Variants in CA10 observed in about 807,000 individuals in gnomAD.
CA10 encodes carbonic anhydrase 10 (inactive).
Under a neutral mutation model 44.2 loss-of-function variants are expected in CA10, and 14 were observed. The observed-to-expected ratio is 0.32, with a 90% CI of 0.21 to 0.50. The LOEUF (loss-of-function observed/expected upper bound fraction) is 0.50. Among genes scored for constraint, CA10 ranks in the 20% least tolerant of loss-of-function variants. CA10 has a pLI of 0.99. For synonymous variants in CA10, 159 were observed against 141.6 expected, an observed-to-expected ratio of 1.12 and a Z score of -0.87; for missense variants, 350 against 409.7, an observed-to-expected ratio of 0.85 and a Z score of 1.26.
chr17:52,094,410 G>C (rs1460260006), intron 1 of CA10, among the ~76,000 whole-genome samples: 1 of 152,038 alleles, frequency 6.6e-6, no homozygotes, highest in Admixed American at 6.6e-5. Context: ...CAGGAAACTG[G>C]AGTAAGCAAA....
chr17:51,921,661 C>G (rs1452828386), intron 3 of CA10, among the ~76,000 whole-genome samples: 1 of 152,144 alleles, frequency 6.6e-6, no homozygotes, highest in African/African-American at 2.4e-5. Flanking sequence ...TATTGCATGA[C>G]AATGGCCTCA....
chr17:52,003,738 G>C (rs555069558), intron 2 of CA10, among the ~76,000 whole-genome samples: 2 of 151,872 alleles, frequency 1.3e-5, no homozygotes, highest in Non-Finnish European at 2.9e-5. Context: ...GATACACTTA[G>C]TTGCAATGAC....
At chr17:51,772,228 A>G (rs1905639007) in intron 3 of CA10, among the ~76,000 whole-genome samples, 1 of 152,220 alleles carries the variant, frequency 6.6e-6, no homozygotes, top group African/African-American at 2.4e-5. Flanking sequence ...ATAACACATA[A>G]TAATTACTTA....
intron 4 of CA10, among the ~76,000 whole-genome samples, chr17:51,655,496 A>G (rs1913759324): frequency 6.6e-6 from 1 of 152,218 alleles, no homozygotes. Context: ...CTTTTCCTTG[A>G]ACTTTGAGAA....
intron 3 of CA10, among the ~76,000 whole-genome samples, chr17:51,774,396 A>G (rs889821115): frequency 6.6e-6 from 1 of 151,272 alleles, no homozygotes; most frequent in Admixed American, 6.6e-5. Context: ...TAGCAATATA[A>G]TGCTAGATTG....
rs1050577541 is a variant in CA10 at position 51,777,484 on chromosome 17, G to A, written c.280-29666C>T. ...TTCTGCTGAGCCCACTACAGGACTT[G>A]AGTATGAGCAGATTTGGATAGACTT... On this transcript the variant is annotated intron_variant, in intron 3 of 8. Transcript: ENST00000451037. Among the ~76,000 whole-genome samples the A allele has an allele frequency of 5.9e-5, 9 of 152,270 alleles. No homozygotes were observed. The East Asian group carries it at 1.4e-3, about 23-fold the overall frequency.
chr17:52,045,844 A>T (rs566039758), intron 2 of CA10, among the ~76,000 whole-genome samples: 1 of 152,138 alleles, frequency 6.6e-6, no homozygotes, highest in East Asian at 1.9e-4. Flanking sequence ...CAATTTGATC[A>T]TACTGTGAGA....
At chr17:51,971,589 A>G (rs1411976060) in intron 2 of CA10, among the ~76,000 whole-genome samples, 2 of 92,406 alleles carry the variant, frequency 2.2e-5, no homozygotes, top group Non-Finnish European at 4.8e-5. Context: ...TTCAGATAAC[A>G]TTAATGTAGG....
intron 4 of CA10, among the ~76,000 whole-genome samples, chr17:51,663,502 T>C (rs1191601274): frequency 6.8e-6 from 1 of 146,054 alleles, no homozygotes; most frequent in Admixed American, 7.0e-5. Context: ...TGAGGAGAGT[T>C]AGGCTCTGGC....
upstream of CA10, among the ~76,000 whole-genome samples, chr17:52,158,883 G>A (rs1012865613): frequency 1.6e-4 from 25 of 152,140 alleles, no homozygotes; most frequent in African/African-American, 6.0e-4. Context: ...CGGCACCCGG[G>A]GGCGGAGGCA....
intron 1 of CA10, among the ~76,000 whole-genome samples, chr17:52,136,247 C>T (rs1397335910): frequency 6.6e-6 from 1 of 152,160 alleles, no homozygotes; most frequent in African/African-American, 2.4e-5. Context: ...AGGGAGCAGA[C>T]CCAGTAAGGC....
At chr17:51,738,936 G>A (rs1295117981) in intron 4 of CA10, among the ~76,000 whole-genome samples, 1 of 152,172 alleles carries the variant, frequency 6.6e-6, no homozygotes, top group East Asian at 1.9e-4. Context: ...GTGACCTTGG[G>A]CAGGTCTCTT....
intron 2 of CA10, among the ~76,000 whole-genome samples, chr17:51,979,825 G>A (rs774451085): frequency 2.6e-5 from 4 of 152,116 alleles, no homozygotes; most frequent in East Asian, 1.9e-4. Flanking sequence ...AGTACCCAGC[G>A]CCATCCGCGA....
intron 2 of CA10, among the ~76,000 whole-genome samples, chr17:52,051,492 C>T (rs1370775675): frequency 1.3e-5 from 2 of 148,728 alleles, no homozygotes; most frequent in East Asian, 1.9e-4. Context: ...AGGACATGAA[C>T]ATTTTCGACA....
At chr17:52,046,426 G>A (rs181498858) in intron 2 of CA10, among the ~76,000 whole-genome samples, 66 of 151,760 alleles carry the variant, frequency 4.3e-4, no homozygotes, top group Non-Finnish European at 8.6e-4. Context: ...TATACTAAAA[G>A]GATATAATGA....
chr17:51,816,038 T>C (rs780335388), intron 3 of CA10, among the ~76,000 whole-genome samples: 2 of 152,254 alleles, frequency 1.3e-5, no homozygotes, highest in Non-Finnish European at 1.5e-5. Flanking sequence ...TTCTAATTTT[T>C]TTGTACCCAT....
chr17:51,633,188 T>C (rs1263194510), intron 8 of CA10, among the ~76,000 whole-genome samples: 1 of 152,114 alleles, frequency 6.6e-6, no homozygotes, highest in Non-Finnish European at 1.5e-5. Flanking sequence ...TATATATATC[T>C]CACATATATC....
chr17:52,072,712 C>CACAG (rs879718673), intron 1 of CA10, among the ~76,000 whole-genome samples: 11 of 150,968 alleles, frequency 7.3e-5, no homozygotes, highest in Non-Finnish European at 1.5e-4. Flanking sequence ...CACACACACA[C>CACAG]ACACAACACA....
intron 2 of CA10, among the ~76,000 whole-genome samples, chr17:52,026,784 G>A (rs896260944): frequency 6.6e-6 from 1 of 152,024 alleles, no homozygotes; most frequent in African/African-American, 2.4e-5. Context: ...ACCTCTCATG[G>A]GCTCCTTCCC....
Sources: gnomAD v4.1 joint callset for allele counts (sites outside exome capture counted in the v4.1 genomes callset) on GRCh38, gnomAD v4.1.1 for gene constraint, MANE v1.5 for transcripts, NCBI Gene and HGNC (gene_info 2026-07-23, HGNC 2026-07-21) for gene names.